Variants in METTL15 observed in about 807,000 individuals in gnomAD.
METTL15 encodes the protein 12S rRNA N(4)-cytidine methyltransferase METTL15.
Under a neutral mutation model 38.3 loss-of-function variants are expected in METTL15, and 34 were observed. The ratio of observed to expected loss-of-function variants is 0.89; its 90% confidence interval spans 0.68 to 1.18. The LOEUF is 1.18. METTL15 is among the 50% of genes most tolerant of loss of function. METTL15 has a pLI of 0.00. For missense variants in METTL15, 438 were observed against 498.4 expected, an observed-to-expected ratio of 0.88 and a Z score of 1.15; for synonymous variants, 162 against 170.9, an observed-to-expected ratio of 0.95 and a Z score of 0.41.
intron 5 of METTL15, among the ~76,000 whole-genome samples, chr11:28,395,946 A>G (rs1303903898): frequency 1.3e-5 from 2 of 152,102 alleles, no homozygotes; most frequent in Non-Finnish European, 2.9e-5. Context: ...TTCAACATAC[A>G]CAAATCAATA....
At chr11:28,178,193 A>G (rs1049980849) in intron 3 of METTL15, among the ~76,000 whole-genome samples, 2 of 151,984 alleles carry the variant, frequency 1.3e-5, no homozygotes, top group Admixed American at 6.6e-5. Flanking sequence ...ATGAATACCC[A>G]TACACATACA....
intron 3 of METTL15, among the ~76,000 whole-genome samples, chr11:28,194,130 T>C (rs546726207): frequency 2.7e-5 from 3 of 111,164 alleles, no homozygotes; most frequent in African/African-American, 1.0e-4. Flanking sequence ...TGATCTTTCT[T>C]TCTTTCTTTC....
intron 3 of METTL15, among the ~76,000 whole-genome samples, chr11:28,204,692 A>T (rs1852250116): frequency 6.6e-6 from 1 of 151,918 alleles, no homozygotes; most frequent in South Asian, 2.1e-4. Flanking sequence ...AGTTTGTAAA[A>T]TGTGTATATA....
chr11:28,132,316 A>G (rs1347754991), intron 3 of METTL15, among the ~76,000 whole-genome samples: 1 of 152,126 alleles, frequency 6.6e-6, no homozygotes, highest in Non-Finnish European at 1.5e-5. Context: ...ATAATATACA[A>G]TTATATTGTA....
At chr11:28,461,186 A>G (rs1851210858) in intron 6 of METTL15, among the ~76,000 whole-genome samples, 2 of 152,070 alleles carry the variant, frequency 1.3e-5, no homozygotes, top group African/African-American at 2.4e-5. Context: ...ACAAACATGA[A>G]TCCAATTCCA....
At chr11:28,377,930 G>A (rs561607204) in intron 5 of METTL15, among the ~76,000 whole-genome samples, 1 of 152,250 alleles carries the variant, frequency 6.6e-6, no homozygotes, top group South Asian at 2.1e-4. Flanking sequence ...AGGTGTCAGT[G>A]TGTCCCTGCT....
In METTL15 at chr11:28,254,248, T is replaced by TTA. The variant is rs535479653; in HGVS notation, c.408-35953_408-35952dup. On this transcript the variant is annotated intron_variant, in intron 4 of 6. Transcript: ENST00000407364. ...ATGATCACTGATGTTGAGCATCTTTTTATATACCTGTTTGCTATTTGTATG... is the reference window on the plus strand; with the variant it reads ...ATGATCACTGATGTTGAGCATCTTTTTATATATACCTGTTTGCTATTTGTATG... Among the ~76,000 whole-genome samples the TTA allele has an allele frequency of 5.0e-3, 756 of 152,330 alleles. 7 individuals carry two copies. Among genetic ancestry groups the TTA allele is most frequent in the African/African-American group, 0.016 (684 of 41,566 alleles).
chr11:28,371,047 T>A (rs1263515527), intron 5 of METTL15, among the ~76,000 whole-genome samples: 3 of 152,110 alleles, frequency 2.0e-5, no homozygotes, highest in Admixed American at 2.0e-4. Flanking sequence ...TACAGAAGCT[T>A]TTAACCTGAT....
intron 4 of METTL15, among the ~76,000 whole-genome samples, chr11:28,276,739 C>G (rs1370367790): frequency 1.3e-5 from 2 of 152,032 alleles, no homozygotes; most frequent in Non-Finnish European, 2.9e-5. Context: ...ACACATAGAT[C>G]AATGGAACAG....
intron 6 of METTL15, among the ~76,000 whole-genome samples, chr11:28,446,660 G>A (rs773686161): frequency 6.6e-6 from 1 of 151,842 alleles, no homozygotes; most frequent in Non-Finnish European, 1.5e-5. Context: ...TTTTAGCATT[G>A]GATTTATGTT....
At chr11:28,122,367 GTGTGTA>G (rs1408666805) in intron 3 of METTL15, among the ~76,000 whole-genome samples, 3 of 59,626 alleles carry the variant, frequency 5.0e-5, no homozygotes, top group East Asian at 5.8e-4. Context: ...GTGTGTGTGT[GTGTGTA>G]TATATATATA....
chr11:28,443,662 A>C (rs1198715761), intron 6 of METTL15, among the ~76,000 whole-genome samples: 3 of 152,136 alleles, frequency 2.0e-5, no homozygotes, highest in Non-Finnish European at 4.4e-5. Context: ...TGACATCTCC[A>C]GTTGCTTAGG....
chr11:28,474,791 T>C (rs947979268), intron 6 of METTL15, among the ~76,000 whole-genome samples: 5 of 152,190 alleles, frequency 3.3e-5, no homozygotes, highest in Admixed American at 1.3e-4. Flanking sequence ...TAATGAAGGG[T>C]GGACTCTACA....
At chr11:28,436,973 A>G (rs1366756621) in intron 6 of METTL15, among the ~76,000 whole-genome samples, 2 of 152,158 alleles carry the variant, frequency 1.3e-5, no homozygotes, top group Non-Finnish European at 2.9e-5. Context: ...CAGGCAGAAG[A>G]AGGCGGGTGA....
intron 3 of METTL15, among the ~76,000 whole-genome samples, chr11:28,345,967 C>A (rs923919374): frequency 6.6e-6 from 1 of 152,140 alleles, no homozygotes; most frequent in Non-Finnish European, 1.5e-5. Flanking sequence ...CATAGAAATT[C>A]TTCACCGCCT....
intron 3 of METTL15, among the ~76,000 whole-genome samples, chr11:28,347,216 G>C (rs1052656342): frequency 5.3e-5 from 8 of 152,230 alleles, no homozygotes; most frequent in South Asian, 2.1e-4. Flanking sequence ...TTGAAGTGCA[G>C]TCTTGTGTTG....
chr11:28,209,590 C>A (rs1021491652), intron 3 of METTL15, among the ~76,000 whole-genome samples: 6 of 151,994 alleles, frequency 3.9e-5, no homozygotes, highest in African/African-American at 1.4e-4. Context: ...TGTACATTTT[C>A]ACCACATTTA....
chr11:28,187,381 T>A (rs1389610009), intron 3 of METTL15, among the ~76,000 whole-genome samples: 1 of 151,072 alleles, frequency 6.6e-6, no homozygotes, highest in Non-Finnish European at 1.5e-5. Flanking sequence ...GTATACCATA[T>A]AACTTTTAAA....
At chr11:28,466,656 C>G (rs894095938) in intron 6 of METTL15, among the ~76,000 whole-genome samples, 1 of 152,196 alleles carries the variant, frequency 6.6e-6, no homozygotes, top group African/African-American at 2.4e-5. Flanking sequence ...CGGTACATCA[C>G]GCGGTGCCTG....
Sources: allele counts gnomAD v4.1 joint callset (sites outside exome capture counted in the v4.1 genomes callset), GRCh38; gene constraint gnomAD v4.1.1; transcripts MANE v1.5; gene names NCBI Gene and HGNC (gene_info 2026-07-23, HGNC 2026-07-21).